The following LIMS2 variants were observed in gnomAD, a reference collection of about 807,000 sequenced individuals.
The protein encoded by LIMS2 is LIM zinc finger domain containing 2, also known as LIM and senescent cell antigen-like-containing domain protein 2.
LIMS2 carries 30 observed loss-of-function variants against 45.3 expected under a neutral mutation model. The ratio of observed to expected loss-of-function variants is 0.66; its 90% CI spans 0.50 to 0.90. The LOEUF (loss-of-function observed/expected upper bound fraction) is 0.90. Among genes scored for constraint, LIMS2 ranks in the 40% least tolerant of loss-of-function variants. LIMS2 has a pLI of 0.00. For missense variants in LIMS2, 485 were observed against 468.7 expected (o/e 1.03, Z -0.32); for synonymous variants, 173 against 188.0 (o/e 0.92, Z 0.65).
At chr2:127,654,178 C>T (rs1684071539) in intron 4 of LIMS2, among the ~76,000 whole-genome samples, 2 of 152,020 alleles carry the variant, frequency 1.3e-5, no homozygotes, top group South Asian at 4.1e-4. Context: ...AGGGGGGTGG[C>T]AGAGTGTGAG....
chr2:127,652,242 C>T, intron 4 of LIMS2: 1 of 181,240 alleles, frequency 5.5e-6, no homozygotes, highest in Admixed American at 5.5e-5. Flanking sequence ...TCTGTAGTGC[C>T]TCTGCCAGAC....
chr2:127,658,435 C>T (rs556890073), intron 1 of LIMS2, among the ~76,000 whole-genome samples: 12 of 152,204 alleles, frequency 7.9e-5, no homozygotes, highest in African/African-American at 2.2e-4. Flanking sequence ...TGAGACGAGA[C>T]GGGAGTGTGG....
intron 7 of LIMS2, 68 bp downstream of exon 7, chr2:127,640,828 T>TTGCTC: frequency 7.0e-7 from 1 of 1,433,780 alleles, no homozygotes; most frequent in South Asian, 1.2e-5. Flanking sequence ...ACAGCCTCCC[T>TTGCTC]TGCTCACGGC....
intron 4 of LIMS2, among the ~76,000 whole-genome samples, 192 bp downstream of exon 4, chr2:127,654,232 G>C (rs73954683): frequency 6.6e-6 from 1 of 152,062 alleles, no homozygotes. Context: ...CTCGCTGAGC[G>C]TGGGGCCCTG....
chr2:127,660,353 T>C (rs1489038896), intron 1 of LIMS2, among the ~76,000 whole-genome samples: 1 of 152,206 alleles, frequency 6.6e-6, no homozygotes, highest in Non-Finnish European at 1.5e-5. Flanking sequence ...AGTTTGTTCT[T>C]TTGCTCTTTG....
chr2:127,650,198 G>T, intron 4 of LIMS2: 2 of 829,528 alleles, frequency 2.4e-6, no homozygotes, highest in South Asian at 1.6e-5. Flanking sequence ...TGACACCCCG[G>T]CCACTGCACC....
chr2:127,645,530 C>T (rs943287572), intron 4 of LIMS2, among the ~76,000 whole-genome samples: 10 of 152,220 alleles, frequency 6.6e-5, no homozygotes, highest in Admixed American at 3.9e-4. Context: ...GGAGCTGCAC[C>T]GGCGAGCACC....
At position 127,674,490 on chromosome 2, in the gene LIMS2, A is replaced by G. The variant is rs1685416775; in HGVS notation, c.11+524T>C. ...GGCCCAGGGGAGCGCCCTGTCCCCAACCAACCCCTGCACAGCTGGTGCTTG... is the reference window on the plus strand; with the variant it reads ...GGCCCAGGGGAGCGCCCTGTCCCCAGCCAACCCCTGCACAGCTGGTGCTTG... On this transcript the variant is annotated intron_variant, in intron 1 of 9. Transcript: ENST00000355119. 4 of 423,048 alleles carry G rather than the reference A, an allele frequency of 9.5e-6. No homozygotes were observed. In the South Asian group the frequency reaches 2.9e-4, roughly 31 times the overall value. 26.2% of individuals were successfully genotyped at this position (423,048 alleles called of 1,614,324 possible). A position where few individuals can be genotyped will look rare whatever the true frequency, so the allele number is the denominator to read the frequency against.
intron 6 of LIMS2, 164 bp downstream of exon 6, chr2:127,641,885 C>A: frequency 1.3e-6 from 1 of 790,354 alleles, no homozygotes; most frequent in East Asian, 3.1e-5. Flanking sequence ...AGGCTGGGGT[C>A]CCTGGCTGAG....
At chr2:127,680,148 C>CG (rs1553468794), upstream of LIMS2, among the ~76,000 whole-genome samples, 2 of 152,144 alleles carry the variant, frequency 1.3e-5, no homozygotes, top group South Asian at 4.2e-4. Flanking sequence ...GAGAACCCCC[C>CG]GGGGGGGAGC....
At chr2:127,649,994 G>A in intron 4 of LIMS2, 1 of 1,602,806 alleles carries the variant, frequency 6.2e-7, no homozygotes, top group African/African-American at 1.3e-5. Context: ...CTAAACACAG[G>A]TCTCCCCACC....
At position 127,657,285 on chromosome 2, in the gene LIMS2, G is replaced by T. The variant is rs192011066; in HGVS notation, c.171+118C>A. 1,280 of 1,207,942 alleles carry T rather than the reference G, an allele frequency of 1.1e-3. 9 individuals carry two copies. In the African/African-American group the frequency reaches 0.017, roughly 16 times the overall value. 74.8% of individuals were successfully genotyped at this position (1,207,942 alleles called of 1,614,324 possible). On this transcript the variant is annotated intron_variant, in intron 2 of 9. Coordinates refer to ENST00000355119, the MANE Select transcript of LIMS2 (RefSeq NM_001161403.3). ...GTGCAGGAGCTCAAGCCTGGTTCTG[G>T]GCTGGCTCCAGACCTGGCCCTGTCA...
Position 127,664,164 on chromosome 2 carries a change from C to T in LIMS2, c.12-6602G>A. 1 of 561,188 alleles carries T rather than the reference C, an allele frequency of 1.8e-6. No homozygotes were observed. The allele number at this position is 561,188 out of a possible 1,614,324, so 34.8% of individuals were successfully genotyped here. On this transcript the variant is annotated intron_variant, in intron 1 of 9. Transcript: ENST00000355119. The surrounding 1 kb of genome is among the most constrained non-coding windows in gnomAD (Gnocchi z 5.5). The stretch of plus-strand genomic sequence containing the variant: ...ATAAAGTCGCACGCGCCCACCCTGT[C>T]GCCAACCCAGGGCCCATCCGACGCC...
intron 1 of LIMS2, among the ~76,000 whole-genome samples, chr2:127,658,610 C>G (rs985179241): frequency 6.6e-6 from 1 of 152,112 alleles, no homozygotes; most frequent in Non-Finnish European, 1.5e-5. Flanking sequence ...CCAGGAGGGG[C>G]CTTTTAGACT....
intron 4 of LIMS2, among the ~76,000 whole-genome samples, chr2:127,650,270 G>A (rs947486034): frequency 5.9e-5 from 9 of 152,116 alleles, no homozygotes; most frequent in Non-Finnish European, 1.2e-4. Flanking sequence ...ACCTGCCAAG[G>A]CTTGGGCTGA....
At position 127,643,076 on chromosome 2, in the gene LIMS2, C is replaced by T. The variant is rs112254310; in HGVS notation, c.360-4G>A. On this transcript the variant is annotated splice_polypyrimidine_tract_variant and splice_region_variant and intron_variant, in intron 4 of 9. Transcript: ENST00000355119. ...GTGGCAAGGCCGGCAGAGATGCCTG[C>T]GGGAGGCGGGGGCATTAGGGGCAGA... is the stretch of plus-strand genomic sequence containing the variant. 336 of 1,568,906 alleles carry T rather than the reference C, an allele frequency of 2.1e-4. 2 individuals are homozygous for T. The Admixed American group carries it at 5.1e-3, about 24-fold the overall frequency.
chr2:127,643,393 C>A, intron 4 of LIMS2: 1 of 486,612 alleles, frequency 2.1e-6, no homozygotes, highest in Non-Finnish European at 4.0e-6. Flanking sequence ...TTGATATCTG[C>A]TGAAAGCATT....
At chr2:127,660,548 G>A (rs1684564183) in intron 1 of LIMS2, among the ~76,000 whole-genome samples, 1 of 152,126 alleles carries the variant, frequency 6.6e-6, no homozygotes, top group Non-Finnish European at 1.5e-5. Context: ...CTCAGTGGGA[G>A]GGTCTGAGCC....
At chr2:127,656,319 C>T (rs1195312303) in intron 2 of LIMS2, among the ~76,000 whole-genome samples, 6 of 152,098 alleles carry the variant, frequency 3.9e-5, no homozygotes, top group Non-Finnish European at 7.4e-5. Flanking sequence ...AATTCAGCTC[C>T]TGGTCCCCCC....
Sources: allele counts gnomAD v4.1 joint callset (sites outside exome capture counted in the v4.1 genomes callset), GRCh38; gene constraint gnomAD v4.1.1; non-coding constraint Gnocchi (gnomAD v3.1); transcripts MANE v1.5; gene names NCBI Gene and HGNC (gene_info 2026-07-23, HGNC 2026-07-21).